Variants in ROBO1 observed in about 807,000 individuals in gnomAD.
ROBO1 encodes roundabout homolog 1.
A neutral mutation model predicts 195.9 loss-of-function variants in ROBO1; 149 were observed. The observed-to-expected ratio is 0.76, with a 90% confidence interval of 0.67 to 0.87. The LOEUF (loss-of-function observed/expected upper bound fraction) is 0.87. Among genes scored for constraint, ROBO1 ranks in the 40% least tolerant of loss-of-function variants. ROBO1 has a pLI of 0.00. For missense variants in ROBO1, 1,933 were observed against 2,068.3 expected, an observed-to-expected ratio of 0.93 and a Z score of 1.27; for synonymous variants, 816 against 733.2, an observed-to-expected ratio of 1.11 and a Z score of -1.82.
chr3:78,691,492 A>T (rs2081173840), intron 8 of ROBO1, among the ~76,000 whole-genome samples: 1 of 152,158 alleles, frequency 6.6e-6, no homozygotes, highest in South Asian at 2.1e-4. Flanking sequence ...ATTACCTTTA[A>T]TTACTGAACC....
chr3:78,891,349 A>AT (rs2036880343), intron 4 of ROBO1, among the ~76,000 whole-genome samples: 1 of 136,044 alleles, frequency 7.4e-6, no homozygotes, highest in Non-Finnish European at 1.7e-5. Flanking sequence ...CAATACGCAC[A>AT]TTTAAAAAAA....
chr3:79,680,131 A>T (rs1315741594), intron 1 of ROBO1, among the ~76,000 whole-genome samples: 1 of 152,012 alleles, frequency 6.6e-6, no homozygotes, highest in East Asian at 1.9e-4. Flanking sequence ...TGTAGAAAAC[A>T]TTACCTCTCT....
At chr3:79,607,573 A>G (rs1944527750) in intron 1 of ROBO1, among the ~76,000 whole-genome samples, 1 of 147,342 alleles carries the variant, frequency 6.8e-6, no homozygotes, top group African/African-American at 2.5e-5. Flanking sequence ...TATTATCTTC[A>G]ATCAAAAACT....
intron 4 of ROBO1, among the ~76,000 whole-genome samples, chr3:78,767,959 G>T (rs1262682420): frequency 2.0e-5 from 3 of 151,778 alleles, no homozygotes; most frequent in African/African-American, 7.3e-5. Context: ...CCTTTCTTCT[G>T]CTGGGTTTGG....
At chr3:78,665,169 A>T (rs58561177) in intron 14 of ROBO1, among the ~76,000 whole-genome samples, 39,473 of 152,070 alleles carry the variant, frequency 0.26, 5,347 homozygotes, top group African/African-American at 0.33. Flanking sequence ...TCCATCTGAA[A>T]ATGTAGTCTC....
chr3:79,305,090 T>G (rs1405680970), intron 2 of ROBO1, among the ~76,000 whole-genome samples: 1 of 152,180 alleles, frequency 6.6e-6, no homozygotes, highest in Non-Finnish European at 1.5e-5. Flanking sequence ...TTTCCAAGTT[T>G]CTTCAACATT....
intron 2 of ROBO1, among the ~76,000 whole-genome samples, chr3:79,158,032 T>C (rs1257711802): frequency 6.6e-6 from 1 of 151,884 alleles, no homozygotes; most frequent in African/African-American, 2.4e-5. Context: ...GTAAGTATTA[T>C]GGTGAGTATA....
intron 10 of ROBO1, among the ~76,000 whole-genome samples, chr3:78,678,357 A>C (rs1018706291): frequency 2.6e-5 from 4 of 152,132 alleles, no homozygotes; most frequent in African/African-American, 9.7e-5. Flanking sequence ...AGACACAAAA[A>C]ACCCTTCAAA....
chr3:78,830,682 C>A (rs184407108), intron 4 of ROBO1, among the ~76,000 whole-genome samples: 211 of 152,256 alleles, frequency 1.4e-3, no homozygotes, highest in African/African-American at 4.8e-3. Context: ...CACTGGCTCC[C>A]TCCCACGACA....
chr3:78,984,697 G>T (rs1363608109), intron 3 of ROBO1, among the ~76,000 whole-genome samples: 1 of 152,146 alleles, frequency 6.6e-6, no homozygotes, highest in Non-Finnish European at 1.5e-5. Context: ...GGGCCATTCG[G>T]ACAGCTGGCT....
intron 1 of ROBO1, among the ~76,000 whole-genome samples, chr3:79,665,681 A>G (rs1447818323): frequency 1.2e-4 from 18 of 151,974 alleles, no homozygotes; most frequent in Admixed American, 1.1e-3. Context: ...TTAATGAAGG[A>G]TTTGAGTGAA....
chr3:78,666,297 G>C (rs896735558), intron 14 of ROBO1, among the ~76,000 whole-genome samples: 5 of 152,204 alleles, frequency 3.3e-5, no homozygotes, highest in Non-Finnish European at 7.3e-5. Context: ...TGTTCCACTA[G>C]CTATGCATAT....
At chr3:78,856,307 AAC>A (rs11453045) in intron 4 of ROBO1, among the ~76,000 whole-genome samples, 1,553 of 151,752 alleles carry the variant, frequency 0.01, 29 homozygotes, top group African/African-American at 0.034. Context: ...AAAAAAAAAA[AAC>A]AGTATGAGAA....
Position 78,648,881 on chromosome 3 carries a change from G to A in ROBO1, c.2813-1226C>T, listed in dbSNP as rs554580097. ...TCGGAGCATTTGGGGTTTGCAAACCGAAACGCTATAGCGTCCTCTACAATT... is the reference window on the plus strand; with the variant it reads ...TCGGAGCATTTGGGGTTTGCAAACCAAAACGCTATAGCGTCCTCTACAATT... On this transcript the variant is annotated intron_variant, in intron 19 of 30. Coordinates refer to ENST00000464233, the MANE Select transcript of ROBO1 (RefSeq NM_002941.4). Among the ~76,000 whole-genome samples the A allele has an allele frequency of 9.2e-5, 14 of 152,010 alleles. No individual in the cohort carries two copies. In the East Asian group the frequency reaches 1.7e-3, roughly 19 times the overall value.
intron 2 of ROBO1, among the ~76,000 whole-genome samples, chr3:79,190,505 T>C (rs114980099): frequency 0.019 from 2,857 of 151,678 alleles, 87 homozygotes; most frequent in African/African-American, 0.064. Flanking sequence ...GAAGGGTAGA[T>C]TACTCTTACT....
rs780227915 is a variant in ROBO1 at position 78,614,756 on chromosome 3, G to C, written c.4327C>G (p.Pro1443Ala). The C allele has an allele frequency of 6.2e-6, 10 of 1,612,880 alleles. No individual in the cohort carries two copies. The highest frequency in any genetic ancestry group is 8.5e-6 in the Non-Finnish European group (10 of 1,179,744). ...CTCATGTTGCTGTCTGTAGACACGG[G>C]ACTTGTGGGCCTAGGGCACTGAGAC... ...HASQCPRPTS[P>A]VSTDSNMSAA... The change falls in exon 28 of 31, where the codon CCC becomes GCC. Residue 1443 changes from proline to alanine, a missense_variant. Pro to Ala is a conservative substitution (Grantham distance 27). Around this residue, in one of 3 missense-constraint regions of ROBO1, gnomAD observed 1,737 missense variants for 1,882.5 expected, o/e 0.92. Coordinates refer to ENST00000464233, the MANE Select transcript of ROBO1 (RefSeq NM_002941.4).
intron 2 of ROBO1, among the ~76,000 whole-genome samples, chr3:79,339,389 G>A (rs1291798074): frequency 1.3e-5 from 2 of 152,002 alleles, no homozygotes; most frequent in Non-Finnish European, 2.9e-5. Context: ...TCTCCCATTT[G>A]CTTATTCTTC....
chr3:79,570,382 A>T (rs946452905), intron 2 of ROBO1, among the ~76,000 whole-genome samples: 1 of 152,114 alleles, frequency 6.6e-6, no homozygotes, highest in Admixed American at 6.5e-5. Flanking sequence ...CAGAATCACT[A>T]TCCTAACAAA....
chr3:78,668,852 G>A (rs1222803873), intron 11 of ROBO1, among the ~76,000 whole-genome samples: 5 of 151,930 alleles, frequency 3.3e-5, no homozygotes, highest in African/African-American at 1.2e-4. Flanking sequence ...CCTAAGGTAA[G>A]GCATACAATT....
Sources: gnomAD v4.1 joint callset for allele counts (sites outside exome capture counted in the v4.1 genomes callset) on GRCh38, gnomAD v4.1.1 for gene constraint, gnomAD v4.1.1 regional missense constraint, MANE v1.5 for transcripts, NCBI Gene and HGNC (gene_info 2026-07-23, HGNC 2026-07-21) for gene names.